The following PIK3CB variants were observed in gnomAD, a reference collection of about 807,000 sequenced individuals.
The protein encoded by PIK3CB is phosphatidylinositol 4,5-bisphosphate 3-kinase catalytic subunit beta isoform.
Under a neutral mutation model 136.8 loss-of-function variants are expected in PIK3CB, and 39 were observed. The ratio of observed to expected loss-of-function variants is 0.29; its 90% confidence interval spans 0.22 to 0.37. The LOEUF (loss-of-function observed/expected upper bound fraction) is 0.37. Ranked by LOEUF, PIK3CB falls within the 10% of genes least tolerant of loss-of-function variation. The probability of loss-of-function intolerance (pLI) is 1.00; values close to 1 mark genes in which losing one functional copy is unlikely to be tolerated. For synonymous variants in PIK3CB, 428 were observed against 436.6 expected (o/e 0.98, Z 0.25); for missense variants, 868 against 1,275.4 (o/e 0.68, Z 4.87).
intron 10 of PIK3CB, among the ~76,000 whole-genome samples, chr3:138,708,269 T>C (rs1330527618): frequency 3.5e-5 from 5 of 143,594 alleles, no homozygotes; most frequent in African/African-American, 5.1e-5. Context: ...TTTTCTTTTT[T>C]TTTTTTTTTT....
intron 14 of PIK3CB, among the ~76,000 whole-genome samples, chr3:138,693,900 G>A (rs567281408): frequency 7.4e-6 from 1 of 134,990 alleles, no homozygotes; most frequent in Admixed American, 8.0e-5. Context: ...AGGAAACTAT[G>A]AGGACTTCAA....
chr3:138,659,449 G>A (rs990126620), intron 21 of PIK3CB, among the ~76,000 whole-genome samples: 2 of 151,954 alleles, frequency 1.3e-5, no homozygotes, highest in Non-Finnish European at 2.9e-5. Context: ...CCCAGGAGGC[G>A]GAGGCTGCAG....
chr3:138,708,605 T>C (rs2044429270), intron 10 of PIK3CB, among the ~76,000 whole-genome samples: 1 of 151,598 alleles, frequency 6.6e-6, no homozygotes, highest in Admixed American at 6.6e-5. Flanking sequence ...TTTTTTTTTT[T>C]TTTAATCTTC....
intron 4 of PIK3CB, among the ~76,000 whole-genome samples, chr3:138,745,098 C>T (rs1004686431): frequency 3.9e-5 from 6 of 152,186 alleles, no homozygotes; most frequent in Non-Finnish European, 7.3e-5. Flanking sequence ...TCTATATGAA[C>T]GATGGCATCT....
chr3:138,785,205 G>A (rs1445479125), intron 2 of PIK3CB, among the ~76,000 whole-genome samples: 48 of 150,702 alleles, frequency 3.2e-4, no homozygotes, highest in Admixed American at 2.9e-3. Context: ...GGCAGCCCCC[G>A]CCCGGCCAGC....
chr3:138,751,209 A>G (rs1007794158), intron 4 of PIK3CB, among the ~76,000 whole-genome samples: 11 of 152,160 alleles, frequency 7.2e-5, no homozygotes, highest in African/African-American at 2.7e-4. Context: ...CTGTAATCCT[A>G]GCACTTTGGG....
chr3:138,828,363 T>C (rs1933880609), intron 1 of PIK3CB, among the ~76,000 whole-genome samples: 1 of 151,560 alleles, frequency 6.6e-6, no homozygotes, highest in African/African-American at 2.4e-5. Flanking sequence ...TTTTTTGTAT[T>C]TTTAGTAGAG....
chr3:138,821,411 T>C (rs1330960578), intron 1 of PIK3CB, among the ~76,000 whole-genome samples: 3 of 151,092 alleles, frequency 2.0e-5, no homozygotes, highest in Non-Finnish European at 4.4e-5. Context: ...CACTGGACCA[T>C]CATGTACAAA....
At chr3:138,791,343 A>G (rs1187815997) in intron 2 of PIK3CB, among the ~76,000 whole-genome samples, 1 of 152,174 alleles carries the variant, frequency 6.6e-6, no homozygotes, top group East Asian at 1.9e-4. Context: ...GGGTTTTACC[A>G]TGTTGCCCAG....
intron 2 of PIK3CB, among the ~76,000 whole-genome samples, chr3:138,789,146 T>C (rs976303181): frequency 3.3e-5 from 5 of 151,938 alleles, no homozygotes; most frequent in Non-Finnish European, 7.4e-5. Context: ...TTAAAGCATA[T>C]GGCAGGGCGT....
chr3:138,739,672 G>C (rs1345100347), intron 5 of PIK3CB, among the ~76,000 whole-genome samples: 1 of 150,874 alleles, frequency 6.6e-6, no homozygotes, highest in East Asian at 2.0e-4. Context: ...AGGCCGAGGC[G>C]GGCGGATCAC....
Position 138,726,557 on chromosome 3 carries a change from T to C in PIK3CB, c.1050+6804A>G, listed in dbSNP as rs552402280. Among the ~76,000 whole-genome samples, 21 of 152,224 alleles carry C rather than the reference T, an allele frequency of 1.4e-4. No homozygotes were observed. The South Asian group carries it at 4.1e-3, about 30-fold the overall frequency. On this transcript the variant is annotated intron_variant, in intron 8 of 23. Transcript: ENST00000674063. ...CAATACTGTTCAGAGACCGGGGCAA[T>C]GCAGAAGAGAAAAAAGAAACAAAAA...
At position 138,779,227 on chromosome 3, in the gene PIK3CB, A is replaced by G. The variant is rs1576408774; in HGVS notation, c.-17+17236T>C. Reference sequence around the variant, plus strand: ...CAGCTTCCCGAGTAGCTGAGACTACAGGTACCCACCACCATGCCCGGCTAA... The same window carrying G: ...CAGCTTCCCGAGTAGCTGAGACTACGGGTACCCACCACCATGCCCGGCTAA... On this transcript the variant is annotated intron_variant, in intron 2 of 23. Coordinates refer to ENST00000674063, the MANE Select transcript of PIK3CB (RefSeq NM_006219.3). 2.6e-5 allele frequency among the ~76,000 whole-genome samples: 4 copies of G among 151,768 alleles called. No homozygotes were observed. The South Asian group carries it at 8.3e-4, about 32-fold the overall frequency.
chr3:138,683,591 T>TAA, intron 18 of PIK3CB, 87 bp downstream of exon 18: 1 of 758,094 alleles, frequency 1.3e-6, no homozygotes, highest in South Asian at 1.5e-5. Context: ...GTTACACACT[T>TAA]ACACTACACA....
At chr3:138,755,556 A>G (rs1331206026) in intron 4 of PIK3CB, among the ~76,000 whole-genome samples, 198 bp downstream of exon 4, 1 of 152,170 alleles carries the variant, frequency 6.6e-6, no homozygotes, top group Non-Finnish European at 1.5e-5. Flanking sequence ...TGCTATGGCA[A>G]TATCATATTG....
intron 21 of PIK3CB, 67 bp from the exon 22 acceptor site, chr3:138,657,902 T>C: frequency 6.7e-7 from 1 of 1,484,844 alleles, no homozygotes; most frequent in Non-Finnish European, 9.2e-7. Context: ...AGGCAAAACC[T>C]CCATAGTCCT....
At chr3:138,739,784 C>T (rs1368193649) in intron 5 of PIK3CB, among the ~76,000 whole-genome samples, 2 of 150,856 alleles carry the variant, frequency 1.3e-5, no homozygotes, top group African/African-American at 4.9e-5. Flanking sequence ...TGCCTGTAGT[C>T]CCAGCTACTC....
intron 1 of PIK3CB, among the ~76,000 whole-genome samples, chr3:138,812,287 G>C (rs909159898): frequency 6.6e-6 from 1 of 151,494 alleles, no homozygotes; most frequent in Non-Finnish European, 1.5e-5. Context: ...CCAGGCTGGA[G>C]TGCAAATGGT....
intron 1 of PIK3CB, among the ~76,000 whole-genome samples, chr3:138,818,843 G>A (rs548382806): frequency 6.6e-6 from 1 of 152,054 alleles, no homozygotes; most frequent in Non-Finnish European, 1.5e-5. Context: ...TTACATATAT[G>A]TATATGTTAT....
Sources: gnomAD v4.1 joint callset for allele counts (sites outside exome capture counted in the v4.1 genomes callset) on GRCh38, gnomAD v4.1.1 for gene constraint, MANE v1.5 for transcripts, NCBI Gene and HGNC (gene_info 2026-07-23, HGNC 2026-07-21) for gene names.